Variants in DGKD observed in about 807,000 individuals in gnomAD.
The protein encoded by DGKD is DAG kinase delta.
Under a neutral mutation model 154.4 loss-of-function variants are expected in DGKD, and 68 were observed. That is an observed-to-expected ratio of 0.44 (90% CI 0.36 to 0.54). The LOEUF is 0.54. Among genes scored for constraint, DGKD ranks in the 20% least tolerant of loss-of-function variants. The pLI is 0.00. For missense variants in DGKD, 1,343 were observed against 1,593.6 expected (o/e 0.84, Z 2.68); for synonymous variants, 693 against 638.0 (o/e 1.09, Z -1.30).
At chr2:233,362,832 C>G (rs1461576418) in intron 1 of DGKD, among the ~76,000 whole-genome samples, 1 of 151,922 alleles carries the variant, frequency 6.6e-6, no homozygotes, top group Non-Finnish European at 1.5e-5. Context: ...AAAGGTGGTC[C>G]CATAAGATTA....
chr2:233,442,186 G>A (rs1245723934), intron 10 of DGKD, 191 bp downstream of exon 10: 2 of 695,036 alleles, frequency 2.9e-6, no homozygotes, highest in South Asian at 3.0e-5. Flanking sequence ...CTGGCATTGT[G>A]GAGGCCCGGG....
chr2:233,371,224 CTTA>C (rs1702305018), intron 1 of DGKD, among the ~76,000 whole-genome samples: 1 of 151,892 alleles, frequency 6.6e-6, no homozygotes, highest in Non-Finnish European at 1.5e-5. Flanking sequence ...TTACTTTCCA[CTTA>C]TTATAATATA....
At chr2:233,455,299 T>G (rs191349348) in intron 19 of DGKD, among the ~76,000 whole-genome samples, 25 of 152,332 alleles carry the variant, frequency 1.6e-4, no homozygotes, top group Middle Eastern at 3.4e-3. Flanking sequence ...CACAAGGCCC[T>G]TGAGTCCAAC....
At chr2:233,435,589 ACT>A (rs1224256422) in intron 5 of DGKD, among the ~76,000 whole-genome samples, 1 of 151,946 alleles carries the variant, frequency 6.6e-6, no homozygotes, top group Non-Finnish European at 1.5e-5. Context: ...TCCACTGCTC[ACT>A]CTCTGGCCTG....
chr2:233,461,624 G>A (rs1443829796), intron 24 of DGKD, among the ~76,000 whole-genome samples: 1 of 152,234 alleles, frequency 6.6e-6, no homozygotes, highest in African/African-American at 2.4e-5. Flanking sequence ...GCTTCTGGTG[G>A]CCTCCCCTGG....
Position 233,449,891 on chromosome 2 carries a change from G to A in DGKD, c.1889-91G>A, listed in dbSNP as rs981719578. The A allele has an allele frequency of 1.1e-4, 163 of 1,433,102 alleles. No homozygotes were observed. The highest frequency in any genetic ancestry group is 2.1e-4 in the Middle Eastern group (1 of 4,770). 88.8% of individuals were successfully genotyped at this position (1,433,102 alleles called of 1,614,324 possible). A position where few individuals can be genotyped will look rare whatever the true frequency, so the allele number is the denominator to read the frequency against. ...GAGGTTGTTTGAGGAAGATCAGGCC[G>A]TGGGGTGAGGATGAGGGGCCCTCCA... On this transcript the variant is annotated intron_variant, in intron 15 of 29. Transcript: ENST00000264057. The surrounding 1 kb of genome is among the most constrained non-coding windows in gnomAD (Gnocchi z 5.3).
intron 3 of DGKD, among the ~76,000 whole-genome samples, chr2:233,425,004 C>G (rs1022620316): frequency 1.3e-5 from 2 of 152,146 alleles, no homozygotes; most frequent in African/African-American, 4.8e-5. Context: ...GCTAATTCTT[C>G]CCAGGACATG....
At chr2:233,356,906 G>A (rs1701554636) in intron 1 of DGKD, among the ~76,000 whole-genome samples, 1 of 152,108 alleles carries the variant, frequency 6.6e-6, no homozygotes, top group Non-Finnish European at 1.5e-5. Context: ...ATGGTATGGG[G>A]TAGCAGTCTG....
chr2:233,390,017 G>A (rs751959583), intron 2 of DGKD, among the ~76,000 whole-genome samples: 1 of 152,152 alleles, frequency 6.6e-6, no homozygotes, highest in South Asian at 2.1e-4. Flanking sequence ...TCCAGACCCC[G>A]GCCTTCCCTC....
intron 1 of DGKD, among the ~76,000 whole-genome samples, chr2:233,360,567 T>TCA (rs1229985126): frequency 6.6e-6 from 1 of 152,166 alleles, no homozygotes; most frequent in Non-Finnish European, 1.5e-5. Context: ...CAAAATTTTT[T>TCA]ATTTTGAGAT....
At chr2:233,355,111 G>A (rs1701479860) in intron 1 of DGKD, among the ~76,000 whole-genome samples, 4 of 152,078 alleles carry the variant, frequency 2.6e-5, no homozygotes, top group Admixed American at 1.3e-4. Context: ...GAGCGGTCGG[G>A]TGGTGTCCCG....
At chr2:233,402,081 C>G (rs747508048) in intron 3 of DGKD, among the ~76,000 whole-genome samples, 1 of 152,018 alleles carries the variant, frequency 6.6e-6, no homozygotes, top group African/African-American at 2.4e-5. Flanking sequence ...CCTGTGTGTA[C>G]GGGTCACCTG....
At chr2:233,400,682 C>G (rs990923944) in intron 3 of DGKD, among the ~76,000 whole-genome samples, 9 of 152,144 alleles carry the variant, frequency 5.9e-5, no homozygotes, top group African/African-American at 2.2e-4. Context: ...ACCTGAGCTC[C>G]CTGAGCTCTC....
Position 233,460,332 on chromosome 2 carries a change from G to A in DGKD, c.2968G>A (p.Val990Ile), listed in dbSNP as rs373905915. ...GGACCAGTTTGGGCAGGCAGCAGGG[G>A]TCCTCATTCACAGGTGGGCTCCTAC... ...QMDQFGQAAG[V>I]LIHSIREIAQ... is the part of the protein sequence containing the mutation. Residue 990 changes from valine (V) to isoleucine (I), a missense_variant, in exon 24 of 30, where the codon GTC becomes ATC. Transcript: ENST00000264057. The A allele has an allele frequency of 1.7e-5, 27 of 1,613,866 alleles. No individual in the cohort carries two copies. In the African/African-American group the frequency reaches 2.9e-4, roughly 18 times the overall value.
intron 1 of DGKD, among the ~76,000 whole-genome samples, chr2:233,380,206 A>G (rs1575004217): frequency 6.6e-6 from 1 of 152,190 alleles, no homozygotes; most frequent in Non-Finnish European, 1.5e-5. Context: ...TGATGATGCT[A>G]TTAATATTAA....
chr2:233,450,535 G>A (rs532977635), intron 16 of DGKD, among the ~76,000 whole-genome samples: 6 of 152,216 alleles, frequency 3.9e-5, no homozygotes, highest in East Asian at 1.9e-4. Flanking sequence ...AGCCCACAGC[G>A]CAGGCCCTGG....
chr2:233,413,590 C>A (rs755659774), intron 3 of DGKD, among the ~76,000 whole-genome samples: 4 of 152,172 alleles, frequency 2.6e-5, no homozygotes, highest in African/African-American at 9.7e-5. Context: ...ACCAAATAGC[C>A]ACACTGTAAA....
chr2:233,370,570 C>CTTTTTTTTTTTTTTTTTTTTT, intron 1 of DGKD, among the ~76,000 whole-genome samples: 1 of 123,344 alleles, frequency 8.1e-6, no homozygotes, highest in Non-Finnish European at 1.7e-5. Flanking sequence ...AGAACTTCTT[C>CTTTTTTTTTTTTTTTTTTTTT]TTTTTTTTTT....
At chr2:233,409,001 C>T (rs981507610) in intron 3 of DGKD, 1 of 152,234 alleles carries the variant, frequency 6.6e-6, no homozygotes, top group Non-Finnish European at 1.5e-5. Context: ...TTAACAGTCA[C>T]TCCAAGCAGG....
Sources: allele counts gnomAD v4.1 joint callset (sites outside exome capture counted in the v4.1 genomes callset), GRCh38; gene constraint gnomAD v4.1.1; non-coding constraint Gnocchi (gnomAD v3.1); transcripts MANE v1.5; gene names NCBI Gene and HGNC (gene_info 2026-07-23, HGNC 2026-07-21).